ZDHHC20: variants seen among roughly 807,000 people sequenced by gnomAD.
ZDHHC20 encodes the protein palmitoyltransferase ZDHHC20.
In ZDHHC20, 43 loss-of-function variants were observed where a neutral mutation model predicts 57.8. The observed-to-expected ratio is 0.74, with a 90% CI of 0.58 to 0.96. ZDHHC20 has a LOEUF of 0.96. ZDHHC20 is among the 40% of genes least tolerant of loss of function. The probability of loss-of-function intolerance (pLI) is 0.00; values close to 1 mark genes in which losing one functional copy is unlikely to be tolerated. For missense variants in ZDHHC20, 391 were observed against 441.1 expected (o/e 0.89, Z 1.02); for synonymous variants, 157 against 153.0 (o/e 1.03, Z -0.19).
chr13:21,395,100 T>C (rs1261582746), intron 7 of ZDHHC20, among the ~76,000 whole-genome samples: 1 of 151,498 alleles, frequency 6.6e-6, no homozygotes, highest in African/African-American at 2.4e-5. Context: ...AGAGTCTCGA[T>C]CTGTAGCCCA....
At chr13:21,388,916 G>GATCT (rs1373621858) in intron 8 of ZDHHC20, among the ~76,000 whole-genome samples, 1 of 152,240 alleles carries the variant, frequency 6.6e-6, no homozygotes, top group East Asian at 1.9e-4. Flanking sequence ...TTTATCATAG[G>GATCT]ATCTAGAATG....
At chr13:21,431,471 A>G (rs1195402475) in intron 1 of ZDHHC20, among the ~76,000 whole-genome samples, 3 of 92,972 alleles carry the variant, frequency 3.2e-5, no homozygotes, top group Admixed American at 1.3e-4. Context: ...AACAATATCA[A>G]TTTTCATTAC....
chr13:21,415,559 CAT>C (rs1226393640), intron 3 of ZDHHC20, among the ~76,000 whole-genome samples: 4 of 152,170 alleles, frequency 2.6e-5, no homozygotes, highest in Non-Finnish European at 5.9e-5. Flanking sequence ...TCTAATCTTC[CAT>C]CACAAGCAGG....
At chr13:21,405,638 T>G (rs1256160701) in intron 4 of ZDHHC20, among the ~76,000 whole-genome samples, 1 of 152,208 alleles carries the variant, frequency 6.6e-6, no homozygotes, top group African/African-American at 2.4e-5. Flanking sequence ...GCTGCTAGAC[T>G]GAAAATCTTC....
intron 1 of ZDHHC20, among the ~76,000 whole-genome samples, chr13:21,455,462 C>A (rs1265633484): frequency 6.6e-6 from 1 of 152,098 alleles, no homozygotes; most frequent in African/African-American, 2.4e-5. Flanking sequence ...CTTTAAATAT[C>A]AACCCTGGGG....
chr13:21,457,944 A>C (rs1885055508), intron 1 of ZDHHC20, among the ~76,000 whole-genome samples: 1 of 152,236 alleles, frequency 6.6e-6, no homozygotes, highest in Non-Finnish European at 1.5e-5. Flanking sequence ...TTCTGGAATA[A>C]CAATAACGTT....
chr13:21,379,739 T>C (rs936775747), intron 11 of ZDHHC20, among the ~76,000 whole-genome samples: 2 of 152,190 alleles, frequency 1.3e-5, no homozygotes, highest in African/African-American at 2.4e-5. Flanking sequence ...CTGACTATTC[T>C]ATACCTTAAT....
chr13:21,433,874 T>G (rs1421324513), intron 1 of ZDHHC20, among the ~76,000 whole-genome samples: 1 of 152,224 alleles, frequency 6.6e-6, no homozygotes, highest in Non-Finnish European at 1.5e-5. Flanking sequence ...TATTTCATGT[T>G]TTTGATGCTA....
chr13:21,451,815 C>A (rs1487463989), intron 1 of ZDHHC20, among the ~76,000 whole-genome samples: 2 of 151,892 alleles, frequency 1.3e-5, no homozygotes, highest in Admixed American at 1.3e-4. Context: ...CATGGTGAAA[C>A]CCTGTCTCTA....
In ZDHHC20 at chr13:21,374,503, G is replaced by C; in HGVS notation, c.*2193C>G. On this transcript the variant is annotated 3_prime_UTR_variant, in exon 13 of 13. Transcript: ENST00000400590. Reference sequence around the variant, plus strand: ...GCCAGCCTTGGCCTCCCAAAGTGCTGGGATTACAGGCATGAGCCACCACAC... The same window carrying C: ...GCCAGCCTTGGCCTCCCAAAGTGCTCGGATTACAGGCATGAGCCACCACAC... 1 of 449,056 alleles carries C rather than the reference G, an allele frequency of 2.2e-6. No homozygotes were observed. Among genetic ancestry groups the C allele is most frequent in the Non-Finnish European group, 4.5e-6 (1 of 222,980 alleles). 27.8% of individuals were successfully genotyped at this position (449,056 alleles called of 1,614,324 possible).
rs747740284 is a variant in ZDHHC20, at chr13:21,404,880, T to A, written c.371-2014A>T. Among the ~76,000 whole-genome samples, 10 of 152,230 alleles carry A rather than the reference T, an allele frequency of 6.6e-5. 1 individual carries two copies. Among genetic ancestry groups the A allele is most frequent in the African/African-American group, 1.2e-4 (5 of 41,470 alleles). On this transcript the variant is annotated intron_variant, in intron 4 of 12. Transcript: ENST00000400590. ...ATGCATACATCTTTCGGATGTCAAT[T>A]AATATATATAACAGGGAAACAGAGT...
chr13:21,395,906 C>A lies in ZDHHC20; in HGVS notation c.595-4052G>T, dbSNP rs887874390. ...TAGCCAGTTCTTAAGAGACAGCAAA[C>A]CACTCACCCAGGAGCACATCTTTCA... On this transcript the variant is annotated intron_variant, in intron 7 of 12. Transcript: ENST00000400590. Among the ~76,000 whole-genome samples, 3 of 152,168 alleles carry A rather than the reference C, an allele frequency of 2.0e-5. No individual in the cohort carries two copies. The East Asian group carries it at 5.8e-4, about 29-fold the overall frequency.
chr13:21,427,483 T>C (rs1254751788), intron 1 of ZDHHC20, among the ~76,000 whole-genome samples: 1 of 152,006 alleles, frequency 6.6e-6, no homozygotes, highest in Non-Finnish European at 1.5e-5. Flanking sequence ...TTTCCAGCGG[T>C]TGTCTCTTTC....
chr13:21,448,339 C>T (rs1331062793), intron 1 of ZDHHC20, among the ~76,000 whole-genome samples: 2 of 100,374 alleles, frequency 2.0e-5, no homozygotes, highest in African/African-American at 3.3e-5. Context: ...GCCCCCCGCC[C>T]GGCCAGCCGC....
At position 21,375,102 on chromosome 13, in the gene ZDHHC20, C is replaced by T. The variant is rs772475729; in HGVS notation, c.*1594G>A. On this transcript the variant is annotated 3_prime_UTR_variant, in exon 13 of 13. Coordinates refer to ENST00000400590, the MANE Select transcript of ZDHHC20 (RefSeq NM_001330059.2). ...CGAGCCAAGATCCCGCCACTGCACT[C>T]CTGCCTGGGAGACAGAGCAAAACTC... 5 of 455,622 alleles carry T rather than the reference C, an allele frequency of 1.1e-5. No homozygotes were observed. Among genetic ancestry groups the T allele is most frequent in the South Asian group, 6.2e-5 (4 of 64,528 alleles). The allele number at this position is 455,622 out of a possible 1,614,324, so 28.2% of individuals were successfully genotyped here.
chr13:21,431,791 G>A (rs1881984918), intron 1 of ZDHHC20, among the ~76,000 whole-genome samples: 1 of 152,184 alleles, frequency 6.6e-6, no homozygotes, highest in South Asian at 2.1e-4. Flanking sequence ...TATGTTCAAT[G>A]GTGCCCCTCT....
At chr13:21,428,509 G>A (rs1021095025) in intron 1 of ZDHHC20, among the ~76,000 whole-genome samples, 19 of 151,610 alleles carry the variant, frequency 1.3e-4, no homozygotes, top group African/African-American at 2.7e-4. Flanking sequence ...GTGAGCCACC[G>A]CACCCAGGCC....
intron 1 of ZDHHC20, among the ~76,000 whole-genome samples, chr13:21,435,064 A>C (rs540588295): frequency 1.3e-5 from 2 of 152,318 alleles, no homozygotes; most frequent in African/African-American, 4.8e-5. Flanking sequence ...CCAGCAATGA[A>C]TGAAACTGAC....
intron 1 of ZDHHC20, among the ~76,000 whole-genome samples, chr13:21,430,971 C>T (rs1881847247): frequency 6.6e-6 from 1 of 152,180 alleles, no homozygotes; most frequent in African/African-American, 2.4e-5. Context: ...CCCTGCTTGT[C>T]CTTTTACTGC....
Sources: allele counts gnomAD v4.1 joint callset (sites outside exome capture counted in the v4.1 genomes callset), GRCh38; gene constraint gnomAD v4.1.1; transcripts MANE v1.5; gene names NCBI Gene and HGNC (gene_info 2026-07-23, HGNC 2026-07-21).